CHN1: variants seen among roughly 807,000 people sequenced by gnomAD.
CHN1 encodes the protein N-chimaerin.
A neutral mutation model predicts 59.5 loss-of-function variants in CHN1; 37 were observed. That is an observed-to-expected ratio of 0.62 (90% confidence interval 0.48 to 0.82). The LOEUF (loss-of-function observed/expected upper bound fraction) is 0.82, where lower values mean the gene tolerates loss of function less well. CHN1 is among the 40% of genes least tolerant of loss of function. The pLI is 0.00. For missense variants in CHN1, 469 were observed against 571.0 expected (o/e 0.82, Z 1.82); for synonymous variants, 206 against 200.4 (o/e 1.03, Z -0.24).
At chr2:174,915,745 C>T (rs1189372441) in intron 4 of CHN1, among the ~76,000 whole-genome samples, 1 of 152,036 alleles carries the variant, frequency 6.6e-6, no homozygotes, top group Non-Finnish European at 1.5e-5. Context: ...CTTTGATTAA[C>T]ATAGAAAAAT....
At chr2:174,918,325 T>C (rs1688909799) in intron 4 of CHN1, among the ~76,000 whole-genome samples, 1 of 152,218 alleles carries the variant, frequency 6.6e-6, no homozygotes, top group South Asian at 2.1e-4. Context: ...CATTATTGCA[T>C]GTACATTTTC....
intron 5 of CHN1, among the ~76,000 whole-genome samples, chr2:174,889,926 T>C (rs1267755328): frequency 6.6e-6 from 1 of 151,084 alleles, no homozygotes; most frequent in Non-Finnish European, 1.5e-5. Context: ...TGTATATATA[T>C]GAAATACACA....
chr2:174,801,623 T>C (rs1684723948), intron 12 of CHN1, 84 bp downstream of exon 12: 16 of 922,096 alleles, frequency 1.7e-5, no homozygotes, highest in South Asian at 1.3e-4. Flanking sequence ...AATAGATTAT[T>C]TGTCCTTTCT....
chr2:174,805,466 A>G (rs942895251), intron 11 of CHN1, among the ~76,000 whole-genome samples: 2 of 152,270 alleles, frequency 1.3e-5, no homozygotes, highest in Non-Finnish European at 2.9e-5. Flanking sequence ...AACATGAGCA[A>G]GAACTCCTCC....
intron 5 of CHN1, among the ~76,000 whole-genome samples, chr2:174,907,575 T>G (rs1269103386): frequency 6.6e-6 from 1 of 152,006 alleles, no homozygotes; most frequent in Non-Finnish European, 1.5e-5. Context: ...TTGCAACTAA[T>G]GTCTTCATTT....
chr2:174,863,026 A>T (rs1442331304), intron 6 of CHN1, among the ~76,000 whole-genome samples: 5 of 152,208 alleles, frequency 3.3e-5, no homozygotes, highest in African/African-American at 7.2e-5. Context: ...TGATAAAATT[A>T]AAACTTTCAG....
chr2:174,992,860 C>T (rs1021878225), intron 1 of CHN1, among the ~76,000 whole-genome samples: 6 of 152,002 alleles, frequency 3.9e-5, no homozygotes, highest in Non-Finnish European at 8.8e-5. Flanking sequence ...GGAGTGCTCA[C>T]CGAAGCCTGG....
rs78226248 is a variant in CHN1 at position 174,843,228 on chromosome 2, ATTATTTAT to A, written c.627+3644_627+3651del. 4.5e-3 allele frequency among the ~76,000 whole-genome samples: 676 copies of A among 151,504 alleles called. 6 individuals are homozygous for A. Among genetic ancestry groups the A allele is most frequent in the African/African-American group, 0.015 (634 of 41,306 alleles). On this transcript the variant is annotated intron_variant, in intron 7 of 12. Coordinates refer to ENST00000409900, the MANE Select transcript of CHN1 (RefSeq NM_001822.7). ...GTAGTGCATGAAAAATGTAGCTTTT[ATTATTTAT>A]TTATTTATTTATTTATTTTTGAGAC...
chr2:174,961,223 G>GAAGA (rs1690395819), intron 1 of CHN1, among the ~76,000 whole-genome samples: 1 of 108,236 alleles, frequency 9.2e-6, no homozygotes. Flanking sequence ...AGAAGGGAGG[G>GAAGA]AGGGAGGGAG....
intron 1 of CHN1, among the ~76,000 whole-genome samples, chr2:174,974,895 T>A (rs55917524): frequency 0.085 from 5,781 of 68,042 alleles, 170 homozygotes; most frequent in Admixed American, 0.18. Context: ...AAGAAATAAT[T>A]AATACACACA....
At chr2:174,946,149 A>T (rs1378852981) in intron 2 of CHN1, among the ~76,000 whole-genome samples, 2 of 152,196 alleles carry the variant, frequency 1.3e-5, no homozygotes, top group Admixed American at 1.3e-4. Flanking sequence ...CTTATTTGCA[A>T]AATGGGATTA....
At chr2:174,883,785 T>C (rs1364926348) in intron 5 of CHN1, among the ~76,000 whole-genome samples, 1 of 151,344 alleles carries the variant, frequency 6.6e-6, no homozygotes, top group Non-Finnish European at 1.5e-5. Context: ...CAAAAAACAT[T>C]AGAATCCTGT....
intron 1 of CHN1, among the ~76,000 whole-genome samples, chr2:174,970,040 T>C (rs1464087837): frequency 6.6e-6 from 1 of 152,248 alleles, no homozygotes; most frequent in Non-Finnish European, 1.5e-5. Context: ...AGGCTGTCAC[T>C]GTACTTCACC....
intron 7 of CHN1, among the ~76,000 whole-genome samples, chr2:174,825,671 C>A (rs565877227): frequency 2.0e-5 from 3 of 152,162 alleles, no homozygotes; most frequent in African/African-American, 7.2e-5. Context: ...CAGTACATTA[C>A]AATTGATTCC....
intron 1 of CHN1, among the ~76,000 whole-genome samples, chr2:174,968,601 G>A (rs1690662527): frequency 1.3e-5 from 2 of 152,236 alleles, no homozygotes; most frequent in South Asian, 4.1e-4. Flanking sequence ...CAAATTGATA[G>A]GTACTTGTTT....
intron 11 of CHN1, among the ~76,000 whole-genome samples, chr2:174,807,038 T>C (rs1684905713): frequency 1.3e-5 from 2 of 152,178 alleles, no homozygotes; most frequent in South Asian, 4.1e-4. Flanking sequence ...TTTCCAGAGT[T>C]CTCTGAGGGG....
intron 2 of CHN1, among the ~76,000 whole-genome samples, chr2:174,945,919 GTGTGTGTGTGTGTATATATATATAAA>G (rs1242828408): frequency 6.7e-6 from 1 of 148,210 alleles, no homozygotes; most frequent in African/African-American, 2.6e-5. Flanking sequence ...CTGTGTGTGT[GTGTGTGTGTGTGTATATATATATAAA>G]TGTGTGTGTA....
chr2:174,971,539 A>G (rs532755675), intron 1 of CHN1, among the ~76,000 whole-genome samples: 1 of 152,376 alleles, frequency 6.6e-6, no homozygotes, highest in Non-Finnish European at 1.5e-5. Flanking sequence ...GCCTAAAACA[A>G]TAACTAGAAC....
chr2:174,938,721 T>C (rs1316007104), intron 3 of CHN1, among the ~76,000 whole-genome samples: 1 of 152,154 alleles, frequency 6.6e-6, no homozygotes, highest in Non-Finnish European at 1.5e-5. Context: ...TAACAGACTA[T>C]AAGTTGTGAA....
Sources: allele counts gnomAD v4.1 joint callset (sites outside exome capture counted in the v4.1 genomes callset), GRCh38; gene constraint gnomAD v4.1.1; transcripts MANE v1.5; gene names NCBI Gene and HGNC (gene_info 2026-07-23, HGNC 2026-07-21).